LDLRAD3: variants seen among roughly 807,000 people sequenced by gnomAD.
LDLRAD3 encodes the protein low density lipoprotein receptor class A domain containing 3.
LDLRAD3 carries 20 observed loss-of-function variants against 29.4 expected under a neutral mutation model. That is an observed-to-expected ratio of 0.68 (90% confidence interval 0.48 to 0.99). The LOEUF (loss-of-function observed/expected upper bound fraction) is 0.99, where lower values mean the gene tolerates loss of function less well. Ranked by LOEUF, LDLRAD3 falls within the 50% of genes least tolerant of loss-of-function variation. The probability of loss-of-function intolerance (pLI) is 0.00; values close to 1 mark genes in which losing one functional copy is unlikely to be tolerated. For synonymous variants in LDLRAD3, 157 were observed against 192.7 expected (o/e 0.81, Z 1.53); for missense variants, 420 against 454.3 (o/e 0.92, Z 0.69).
At chr11:36,047,829 A>G (rs547697023) in intron 2 of LDLRAD3, among the ~76,000 whole-genome samples, 42 of 152,318 alleles carry the variant, frequency 2.8e-4, no homozygotes, top group South Asian at 4.2e-4. Context: ...TTCAAACAGC[A>G]GCTGGCACAG....
intron 3 of LDLRAD3, among the ~76,000 whole-genome samples, chr11:36,089,499 C>T (rs1011472770): frequency 2.0e-5 from 3 of 151,570 alleles, no homozygotes; most frequent in Admixed American, 2.0e-4. Flanking sequence ...ACGATCTCGG[C>T]TAACTGCAAC....
At chr11:36,048,845 C>T (rs1852489836) in intron 2 of LDLRAD3, among the ~76,000 whole-genome samples, 1 of 152,174 alleles carries the variant, frequency 6.6e-6, no homozygotes, top group Non-Finnish European at 1.5e-5. Flanking sequence ...ATATTGTCAC[C>T]AGCTGAGAAG....
intron 1 of LDLRAD3, among the ~76,000 whole-genome samples, chr11:36,004,786 C>T (rs1851864381): frequency 6.6e-6 from 1 of 152,194 alleles, no homozygotes; most frequent in Non-Finnish European, 1.5e-5. Flanking sequence ...GAGAGAGGTT[C>T]CCAAACCTCA....
chr11:36,210,511 A>C (rs1465658981), intron 4 of LDLRAD3, among the ~76,000 whole-genome samples: 1 of 152,084 alleles, frequency 6.6e-6, no homozygotes, highest in Non-Finnish European at 1.5e-5. Flanking sequence ...GTAACTTTGA[A>C]TCCTCCACAG....
intron 4 of LDLRAD3, among the ~76,000 whole-genome samples, chr11:36,140,168 C>G (rs188712685): frequency 6.6e-6 from 1 of 152,238 alleles, no homozygotes; most frequent in African/African-American, 2.4e-5. Context: ...TTGTTCTTAA[C>G]GAAGACTTAC....
intron 4 of LDLRAD3, chr11:36,196,324 A>C (rs1283918623): frequency 2.6e-5 from 4 of 152,228 alleles, no homozygotes; most frequent in African/African-American, 9.7e-5. Flanking sequence ...GAGAAAGCTC[A>C]CCTGCAGCCC....
At chr11:35,957,341 T>C (rs527383862) in intron 1 of LDLRAD3, among the ~76,000 whole-genome samples, 2 of 152,206 alleles carry the variant, frequency 1.3e-5, no homozygotes, top group Non-Finnish European at 2.9e-5. Context: ...TTCTTTGATG[T>C]TGGCTGTAAA....
At chr11:36,043,733 C>T (rs1437890985) in intron 2 of LDLRAD3, among the ~76,000 whole-genome samples, 1 of 152,212 alleles carries the variant, frequency 6.6e-6, no homozygotes, top group East Asian at 1.9e-4. Context: ...GTGAGATGTC[C>T]GGTTTTTTTT....
intron 1 of LDLRAD3, among the ~76,000 whole-genome samples, chr11:36,000,208 A>G (rs1851805991): frequency 6.7e-6 from 1 of 149,776 alleles, no homozygotes; most frequent in South Asian, 2.1e-4. Flanking sequence ...ATTATATAGC[A>G]TATATTTTTG....
rs1266932248 is a variant in LDLRAD3 at position 36,067,071 on chromosome 11, G to A, written c.194-14582G>A. Among the ~76,000 whole-genome samples, 32 of 152,090 alleles carry A rather than the reference G, an allele frequency of 2.1e-4. 1 individual carries two copies. Among genetic ancestry groups the A allele is most frequent in the Admixed American group, 1.6e-3 (25 of 15,280 alleles). On this transcript the variant is annotated intron_variant, in intron 2 of 5. Coordinates refer to ENST00000315571, the MANE Select transcript of LDLRAD3 (RefSeq NM_174902.4). ...TCAGTTCATGCCATTCCTCTTGTCT[G>A]GAGTGTCCTTCCCTCTTTTTTTTCA...
chr11:36,107,254 G>A (rs1853542135), intron 4 of LDLRAD3, among the ~76,000 whole-genome samples: 1 of 150,968 alleles, frequency 6.6e-6, no homozygotes, highest in Non-Finnish European at 1.5e-5. Context: ...AGGCTGGAGT[G>A]CAATGGCGCG....
At chr11:36,110,915 A>G (rs1336873702) in intron 4 of LDLRAD3, among the ~76,000 whole-genome samples, 1 of 152,186 alleles carries the variant, frequency 6.6e-6, no homozygotes, top group Non-Finnish European at 1.5e-5. Flanking sequence ...AGTCTTTACA[A>G]ATACATAAAA....
intron 4 of LDLRAD3, among the ~76,000 whole-genome samples, chr11:36,164,915 A>G (rs1467195045): frequency 6.6e-6 from 1 of 152,240 alleles, no homozygotes; most frequent in Non-Finnish European, 1.5e-5. Context: ...AATTTTACTT[A>G]TACAACTGAC....
intron 4 of LDLRAD3, among the ~76,000 whole-genome samples, chr11:36,212,706 A>G (rs1262611704): frequency 6.6e-6 from 1 of 152,144 alleles, no homozygotes; most frequent in Non-Finnish European, 1.5e-5. Flanking sequence ...CATCAGACAC[A>G]GAGATCAAAT....
chr11:36,015,306 T>TCCCCCC (rs11347924), intron 1 of LDLRAD3, among the ~76,000 whole-genome samples: 1 of 87,720 alleles, frequency 1.1e-5, no homozygotes, highest in Admixed American at 1.3e-4. Context: ...GACATGCCAT[T>TCCCCCC]CCCCCCCCCC....
At chr11:35,971,191 ACCCTTCCAT>A (rs1022321192) in intron 1 of LDLRAD3, among the ~76,000 whole-genome samples, 1 of 151,976 alleles carries the variant, frequency 6.6e-6, no homozygotes, top group Admixed American at 6.6e-5. Context: ...TGCCTACACT[ACCCTTCCAT>A]CTGGGAGAGA....
intron 1 of LDLRAD3, among the ~76,000 whole-genome samples, chr11:36,019,896 A>G (rs905575503): frequency 6.6e-6 from 1 of 152,186 alleles, no homozygotes; most frequent in Non-Finnish European, 1.5e-5. Context: ...GCTGACTCAG[A>G]GAGGCGTTGT....
chr11:36,030,917 A>G (rs187447079), intron 1 of LDLRAD3, among the ~76,000 whole-genome samples: 75 of 152,280 alleles, frequency 4.9e-4, no homozygotes, highest in African/African-American at 1.8e-3. Context: ...CACTAACTGC[A>G]TGTTCTGGAG....
intron 4 of LDLRAD3, among the ~76,000 whole-genome samples, chr11:36,162,895 A>G (rs12576371): frequency 0.048 from 7,288 of 152,266 alleles, 399 homozygotes; most frequent in East Asian, 0.31. Context: ...AAAGGGGGAA[A>G]CAGGGTTGTC....
Sources: allele counts gnomAD v4.1 joint callset (sites outside exome capture counted in the v4.1 genomes callset), GRCh38; gene constraint gnomAD v4.1.1; transcripts MANE v1.5; gene names NCBI Gene and HGNC (gene_info 2026-07-23, HGNC 2026-07-21).